The following ERBB4 variants were observed in gnomAD, a reference collection of about 807,000 sequenced individuals.
ERBB4 encodes receptor tyrosine-protein kinase erbB-4.
Under a neutral mutation model 158.0 loss-of-function variants are expected in ERBB4, and 42 were observed. The observed-to-expected ratio is 0.27, with a 90% confidence interval of 0.21 to 0.34. ERBB4 has a LOEUF of 0.34. Among genes scored for constraint, ERBB4 ranks in the 10% least tolerant of loss-of-function variants. The probability of loss-of-function intolerance (pLI) is 1.00; values close to 1 mark genes in which losing one functional copy is unlikely to be tolerated. For synonymous variants in ERBB4, 583 were observed against 558.7 expected (o/e 1.04, Z -0.61); for missense variants, 1,333 against 1,624.1 (o/e 0.82, Z 3.08).
chr2:211,583,804 T>G (rs1261666321), intron 19 of ERBB4, among the ~76,000 whole-genome samples: 3 of 151,670 alleles, frequency 2.0e-5, no homozygotes, highest in Admixed American at 2.0e-4. Context: ...TCAATTATTT[T>G]TTGTCAATTA....
chr2:211,991,912 T>G (rs1172309454), intron 2 of ERBB4, among the ~76,000 whole-genome samples: 3 of 152,270 alleles, frequency 2.0e-5, no homozygotes, highest in East Asian at 3.9e-4. Context: ...ACAGGCTATG[T>G]TGAGGCACAG....
intron 3 of ERBB4, among the ~76,000 whole-genome samples, chr2:211,850,871 A>G (rs981361808): frequency 6.6e-6 from 1 of 151,974 alleles, no homozygotes; most frequent in Non-Finnish European, 1.5e-5. Context: ...AAGTAATAAT[A>G]TCAATTATAT....
intron 3 of ERBB4, among the ~76,000 whole-genome samples, chr2:211,919,385 C>T: frequency 6.6e-6 from 1 of 151,828 alleles, no homozygotes; most frequent in Non-Finnish European, 1.5e-5. Context: ...TAGTCTTCCC[C>T]AAATATAGAG....
At chr2:211,650,157 T>TA (rs2070931035) in intron 16 of ERBB4, among the ~76,000 whole-genome samples, 1 of 152,016 alleles carries the variant, frequency 6.6e-6, no homozygotes, top group African/African-American at 2.4e-5. Flanking sequence ...TAGGATCTAA[T>TA]ACAATATATG....
chr2:211,590,693 T>C (rs2068433549), intron 19 of ERBB4, among the ~76,000 whole-genome samples: 1 of 152,160 alleles, frequency 6.6e-6, no homozygotes, highest in Non-Finnish European at 1.5e-5. Context: ...CGAGTAACGA[T>C]AAAACTCTGG....
chr2:212,122,089 CACAT>C (rs1271807033), intron 2 of ERBB4, among the ~76,000 whole-genome samples: 1 of 150,288 alleles, frequency 6.7e-6, no homozygotes, highest in African/African-American at 2.5e-5. Context: ...ACACACACCC[CACAT>C]ACAAACACAT....
intron 20 of ERBB4, among the ~76,000 whole-genome samples, chr2:211,525,919 A>T (rs117124059): frequency 6.6e-6 from 1 of 152,124 alleles, no homozygotes; most frequent in East Asian, 1.9e-4. Flanking sequence ...AGGCCAACCA[A>T]ACCATAGAAT....
chr2:211,861,944 T>C (rs970917210), intron 3 of ERBB4, among the ~76,000 whole-genome samples: 1 of 143,662 alleles, frequency 7.0e-6, no homozygotes, highest in Non-Finnish European at 1.5e-5. Context: ...AAAGCATAAA[T>C]GGGTAAAGTC....
chr2:211,465,802 C>T (rs2064669920), intron 20 of ERBB4, among the ~76,000 whole-genome samples: 1 of 152,068 alleles, frequency 6.6e-6, no homozygotes. Context: ...CAGTAGTTAC[C>T]TCTGGGCAGG....
chr2:211,551,045 T>C (rs1431849164), intron 20 of ERBB4, among the ~76,000 whole-genome samples: 1 of 152,108 alleles, frequency 6.6e-6, no homozygotes, highest in Non-Finnish European at 1.5e-5. Flanking sequence ...CCGGCTCCAG[T>C]GATCCTCCCA....
In ERBB4 at chr2:211,525,244, AC is replaced by A. The variant is rs1015177562; in HGVS notation, c.2487+36658del. Among the ~76,000 whole-genome samples, 4 of 152,166 alleles carry A rather than the reference AC, an allele frequency of 2.6e-5. No individual in the cohort carries two copies. The South Asian group carries it at 6.2e-4, about 24-fold the overall frequency. ...AAGTGCTTGAACCACCCCTCTTGCA[AC>A]CCCAGACAAAAAAGCTCATGACTCC... On this transcript the variant is annotated intron_variant, in intron 20 of 27. Coordinates refer to ENST00000342788, the MANE Select transcript of ERBB4 (RefSeq NM_005235.3).
chr2:211,780,188 C>G (rs1173187237), intron 4 of ERBB4, among the ~76,000 whole-genome samples: 1 of 151,840 alleles, frequency 6.6e-6, no homozygotes, highest in Admixed American at 6.6e-5. Context: ...GTAGGGAGAG[C>G]CTGTCTCTAC....
intron 1 of ERBB4, among the ~76,000 whole-genome samples, chr2:212,297,371 T>C (rs111427530): frequency 1.1e-4 from 2 of 18,860 alleles, no homozygotes; most frequent in African/African-American, 1.2e-4. Flanking sequence ...CTAGCCAAAA[T>C]TGACATTTTT....
At chr2:212,211,562 A>T (rs1324911205) in intron 1 of ERBB4, among the ~76,000 whole-genome samples, 3 of 148,990 alleles carry the variant, frequency 2.0e-5, no homozygotes, top group Non-Finnish European at 4.5e-5. Flanking sequence ...TGTGAGAGAG[A>T]TCCAAAGTCT....
At chr2:212,136,680 T>C (rs1428019613) in intron 1 of ERBB4, among the ~76,000 whole-genome samples, 1 of 152,198 alleles carries the variant, frequency 6.6e-6, no homozygotes, top group African/African-American at 2.4e-5. Context: ...ACAGAAGCTC[T>C]GGTTCACTCC....
intron 19 of ERBB4, among the ~76,000 whole-genome samples, chr2:211,586,436 A>T (rs2068280858): frequency 6.6e-6 from 1 of 152,218 alleles, no homozygotes; most frequent in Non-Finnish European, 1.5e-5. Flanking sequence ...TTCACGTTAA[A>T]AGTACCCTGG....
At chr2:211,523,322 C>G (rs2066241010) in intron 20 of ERBB4, among the ~76,000 whole-genome samples, 1 of 149,594 alleles carries the variant, frequency 6.7e-6, no homozygotes, top group South Asian at 2.2e-4. Flanking sequence ...GCTTAGAAAT[C>G]TATGTGCTTG....
At chr2:211,729,707 A>G (rs1444582702) in intron 5 of ERBB4, among the ~76,000 whole-genome samples, 1 of 151,920 alleles carries the variant, frequency 6.6e-6, no homozygotes, top group Non-Finnish European at 1.5e-5. Context: ...ACACAAAACA[A>G]AAAATAATTC....
At chr2:211,770,971 A>G (rs1331212664) in intron 4 of ERBB4, among the ~76,000 whole-genome samples, 1 of 152,188 alleles carries the variant, frequency 6.6e-6, no homozygotes, top group Non-Finnish European at 1.5e-5. Flanking sequence ...GCTCATTTGT[A>G]GCATGCCCAT....
Sources: gnomAD v4.1 joint callset for allele counts (sites outside exome capture counted in the v4.1 genomes callset) on GRCh38, gnomAD v4.1.1 for gene constraint, MANE v1.5 for transcripts, NCBI Gene and HGNC (gene_info 2026-07-23, HGNC 2026-07-21) for gene names.